The following VPS13B variants were observed in gnomAD, a reference collection of about 807,000 sequenced individuals.
VPS13B encodes the protein vacuolar protein sorting 13 homolog B.
A neutral mutation model predicts 426.4 loss-of-function variants in VPS13B; 285 were observed. That is an observed-to-expected ratio of 0.67 (90% CI 0.61 to 0.74). The LOEUF (loss-of-function observed/expected upper bound fraction) is 0.74. Among genes scored for constraint, VPS13B ranks in the 30% least tolerant of loss-of-function variants. VPS13B has a pLI of 0.00. For missense variants in VPS13B, 4,537 were observed against 4,782.6 expected (o/e 0.95, Z 1.51); for synonymous variants, 1,676 against 1,676.4 (o/e 1.00, Z 0.01).
chr8:99,708,215 A>AT (rs1277219203), intron 36 of VPS13B, among the ~76,000 whole-genome samples: 5 of 151,916 alleles, frequency 3.3e-5, no homozygotes, highest in Admixed American at 2.6e-4. Context: ...ATCAAGTTAT[A>AT]TTTTTCTAAT....
intron 2 of VPS13B, among the ~76,000 whole-genome samples, chr8:99,018,033 T>C (rs1363627965): frequency 6.6e-6 from 1 of 152,212 alleles, no homozygotes; most frequent in Non-Finnish European, 1.5e-5. Flanking sequence ...AAATTTTGCA[T>C]GTATTTCATT....
chr8:99,319,160 A>G (rs1340176365), intron 19 of VPS13B, among the ~76,000 whole-genome samples: 1 of 152,184 alleles, frequency 6.6e-6, no homozygotes, highest in Non-Finnish European at 1.5e-5. Flanking sequence ...TGAAGACATG[A>G]TGAGGTGTTC....
chr8:99,557,712 A>G (rs944355585), intron 31 of VPS13B, among the ~76,000 whole-genome samples: 1 of 152,154 alleles, frequency 6.6e-6, no homozygotes, highest in Non-Finnish European at 1.5e-5. Context: ...TCTTTAAGAA[A>G]TCTCGTAGAG....
In VPS13B at chr8:99,717,326, C is replaced by T. The variant is rs1332062830; in HGVS notation, c.6610C>T (p.Gln2204Ter). ...CKHSGNPGPE[Q>*]SIPKISIDLR... ...ACACAGCGGGAATCCAGGCCCAGAA[C>T]AATCCATACCAAAAATATCCATTGA... Residue 2204 changes from glutamine (Q) to a stop codon, truncating the protein, a stop_gained, in exon 37 of 62, where the codon CAA becomes TAA. Transcript: ENST00000357162. LOFTEE classifies it high-confidence loss of function. The T allele has an allele frequency of 6.2e-7, 1 of 1,614,034 alleles. No homozygotes were observed. Among genetic ancestry groups the T allele is most frequent in the Non-Finnish European group, 8.5e-7 (1 of 1,179,948 alleles).
At chr8:99,648,949 C>T in intron 34 of VPS13B, among the ~76,000 whole-genome samples, 1 of 146,454 alleles carries the variant, frequency 6.8e-6, no homozygotes, top group Middle Eastern at 3.6e-3. Flanking sequence ...CTGCGAGTAC[C>T]TTTTTTTTTT....
chr8:99,608,039 T>C (rs1827676521), intron 33 of VPS13B, among the ~76,000 whole-genome samples: 2 of 152,066 alleles, frequency 1.3e-5, no homozygotes, highest in South Asian at 2.1e-4. Context: ...CAACCTTACA[T>C]AGATATGTAG....
chr8:99,810,604 C>T (rs1813647033), intron 44 of VPS13B, among the ~76,000 whole-genome samples: 1 of 152,184 alleles, frequency 6.6e-6, no homozygotes, highest in Non-Finnish European at 1.5e-5. Context: ...AGAAAAGAAG[C>T]ATGGAAGACT....
At chr8:99,454,903 T>A (rs1818373450) in intron 23 of VPS13B, among the ~76,000 whole-genome samples, 1 of 152,192 alleles carries the variant, frequency 6.6e-6, no homozygotes, top group South Asian at 2.1e-4. Context: ...TTTTATACGC[T>A]TATTTGCCAT....
chr8:99,286,177 G>A (rs1490224466), intron 19 of VPS13B, among the ~76,000 whole-genome samples: 1 of 152,168 alleles, frequency 6.6e-6, no homozygotes, highest in Non-Finnish European at 1.5e-5. Flanking sequence ...CATAACTAGT[G>A]TATGATAGGT....
chr8:99,034,947 C>T (rs1842678934), intron 2 of VPS13B, among the ~76,000 whole-genome samples: 1 of 152,140 alleles, frequency 6.6e-6, no homozygotes, highest in African/African-American at 2.4e-5. Flanking sequence ...GCAATCCCAG[C>T]ACTTTGAGAG....
At chr8:99,026,390 G>A (rs933183779) in intron 2 of VPS13B, among the ~76,000 whole-genome samples, 2 of 152,100 alleles carry the variant, frequency 1.3e-5, no homozygotes, top group Admixed American at 1.3e-4. Flanking sequence ...TAAAATTTTT[G>A]GAGAATTTTT....
chr8:99,778,834 G>C lies in VPS13B; in HGVS notation c.7582G>C (p.Asp2528His). The C allele has an allele frequency of 6.2e-7, 1 of 1,614,030 alleles. No homozygotes were observed. Among genetic ancestry groups the C allele is most frequent in the South Asian group, 1.1e-5 (1 of 91,086 alleles). The change falls in exon 42 of 62, where the codon GAC becomes CAC. Residue 2528 changes from aspartate to histidine, a missense_variant. By Grantham distance (81) the Asp-to-His change is moderately conservative. Transcript: ENST00000357162. ...GGAGATCCAGTTCTTAGCTCAAGCA[G>C]ACTGTAAACTTCTAGAGTGCAGAAA... ...CQEIQFLAQADCKLLECRNVT... is the reference protein window; with the variant it reads ...CQEIQFLAQAHCKLLECRNVT...
At chr8:99,469,889 A>C (rs1299570765) in intron 24 of VPS13B, among the ~76,000 whole-genome samples, 2 of 152,178 alleles carry the variant, frequency 1.3e-5, no homozygotes, top group East Asian at 3.9e-4. Flanking sequence ...GGAGATTGTC[A>C]TGTGAACATG....
intron 35 of VPS13B, chr8:99,697,257 C>T: frequency 1.7e-6 from 1 of 582,878 alleles, no homozygotes; most frequent in South Asian, 1.9e-5. Context: ...AGCCATCCAG[C>T]AGGAGCACCA....
chr8:99,762,601 A>C (rs574638881), intron 39 of VPS13B, among the ~76,000 whole-genome samples: 28 of 152,332 alleles, frequency 1.8e-4, no homozygotes, highest in African/African-American at 6.7e-4. Context: ...CAAGAAGTCC[A>C]ACCCATTATT....
At chr8:99,663,924 T>C (rs1830343736) in intron 35 of VPS13B, among the ~76,000 whole-genome samples, 2 of 152,238 alleles carry the variant, frequency 1.3e-5, no homozygotes. Context: ...ATCAATTGAA[T>C]TTTAAGAGAA....
intron 50 of VPS13B, among the ~76,000 whole-genome samples, chr8:99,822,036 G>A (rs141649875): frequency 1.0e-3 from 157 of 152,218 alleles, no homozygotes; most frequent in Middle Eastern, 3.4e-3. Context: ...AAATATAAAT[G>A]GTATGTGCTT....
At chr8:99,773,971 T>C (rs1401569870) in intron 40 of VPS13B, among the ~76,000 whole-genome samples, 1 of 152,222 alleles carries the variant, frequency 6.6e-6, no homozygotes, top group Admixed American at 6.5e-5. Context: ...CAAATGTAGC[T>C]ACTGCAAGTC....
intron 17 of VPS13B, among the ~76,000 whole-genome samples, chr8:99,237,718 A>G (rs895189101): frequency 2.0e-5 from 3 of 152,062 alleles, no homozygotes; most frequent in African/African-American, 7.2e-5. Flanking sequence ...GAGTTCCCCA[A>G]AATTAGAGAA....
Sources: allele counts gnomAD v4.1 joint callset (sites outside exome capture counted in the v4.1 genomes callset), GRCh38; gene constraint gnomAD v4.1.1; transcripts MANE v1.5; gene names NCBI Gene and HGNC (gene_info 2026-07-23, HGNC 2026-07-21).